Variants in STX18 observed in about 807,000 individuals in gnomAD.
The protein encoded by STX18 is syntaxin 18.
A neutral mutation model predicts 50.1 loss-of-function variants in STX18; 40 were observed. The observed-to-expected ratio is 0.80, with a 90% CI of 0.62 to 1.04. STX18 has a LOEUF of 1.04. STX18 is among the 50% of genes least tolerant of loss of function. The pLI is 0.00. For synonymous variants in STX18, 158 were observed against 151.8 expected (o/e 1.04, Z -0.30); for missense variants, 410 against 415.8 (o/e 0.99, Z 0.12).
chr4:4,454,791 T>C (rs1726979126), intron 5 of STX18, among the ~76,000 whole-genome samples: 2 of 152,306 alleles, frequency 1.3e-5, no homozygotes, highest in Admixed American at 6.5e-5. Flanking sequence ...TAACCCAAAT[T>C]TGCTGAGCCC....
chr4:4,485,927 C>T (rs1258426050), intron 1 of STX18, among the ~76,000 whole-genome samples: 3 of 152,182 alleles, frequency 2.0e-5, no homozygotes, highest in Non-Finnish European at 4.4e-5. Flanking sequence ...GGGATCACTG[C>T]TTATACTAGA....
intron 5 of STX18, among the ~76,000 whole-genome samples, chr4:4,440,489 T>C (rs1472899042): frequency 5.3e-5 from 8 of 152,332 alleles, no homozygotes; most frequent in African/African-American, 1.7e-4. Flanking sequence ...TCGTAACAAC[T>C]GCTCCATGTG....
chr4:4,454,416 T>C (rs971994788), intron 5 of STX18, among the ~76,000 whole-genome samples: 1 of 152,166 alleles, frequency 6.6e-6, no homozygotes, highest in Non-Finnish European at 1.5e-5. Flanking sequence ...AGAACTAAGG[T>C]AGCAGCAAAA....
chr4:4,438,171 C>T (rs1354852496), intron 6 of STX18, among the ~76,000 whole-genome samples: 1 of 152,240 alleles, frequency 6.6e-6, no homozygotes, highest in Non-Finnish European at 1.5e-5. Context: ...TCCCGGACCC[C>T]GCCAGCTCCC....
At chr4:4,451,678 G>A (rs1726759981) in intron 5 of STX18, among the ~76,000 whole-genome samples, 1 of 152,270 alleles carries the variant, frequency 6.6e-6, no homozygotes, top group Middle Eastern at 3.4e-3. Flanking sequence ...CACAAAGCAC[G>A]TTCACATAAG....
At chr4:4,542,054 T>C, upstream of STX18, 1 of 1,349,466 alleles carries the variant, frequency 7.4e-7, no homozygotes, top group Non-Finnish European at 9.7e-7. Flanking sequence ...GGACTGGTCC[T>C]GCCCCACACG....
At chr4:4,497,018 G>A (rs560613150) in intron 1 of STX18, among the ~76,000 whole-genome samples, 76 of 152,158 alleles carry the variant, frequency 5.0e-4, no homozygotes, top group Non-Finnish European at 9.4e-4. Context: ...TGTTTTACGC[G>A]AAACAAACCC....
At chr4:4,522,918 G>A (rs1397839290) in intron 1 of STX18, among the ~76,000 whole-genome samples, 1 of 152,232 alleles carries the variant, frequency 6.6e-6, no homozygotes, top group Non-Finnish European at 1.5e-5. Flanking sequence ...GCAGCTATGT[G>A]AGTGCAGAGA....
chr4:4,424,108 T>C (rs1265520481), intron 8 of STX18, among the ~76,000 whole-genome samples: 1 of 151,670 alleles, frequency 6.6e-6, no homozygotes, highest in Non-Finnish European at 1.5e-5. Flanking sequence ...CTGATTCATT[T>C]AGAAAATGCC....
At chr4:4,432,891 T>C (rs1183175169) in intron 7 of STX18, among the ~76,000 whole-genome samples, 1 of 152,258 alleles carries the variant, frequency 6.6e-6, no homozygotes, top group Non-Finnish European at 1.5e-5. Flanking sequence ...CATGTGGACC[T>C]GGCCATCCCT....
chr4:4,494,022 C>T (rs1729060689), intron 1 of STX18, among the ~76,000 whole-genome samples: 1 of 152,156 alleles, frequency 6.6e-6, no homozygotes, highest in Non-Finnish European at 1.5e-5. Flanking sequence ...CTCCATAAGC[C>T]CATATCCCAT....
At chr4:4,441,038 G>A (rs1726076224) in intron 5 of STX18, among the ~76,000 whole-genome samples, 1 of 152,198 alleles carries the variant, frequency 6.6e-6, no homozygotes. Flanking sequence ...GGTGCTTGCT[G>A]GGAGCCTCAT....
At chr4:4,536,149 G>A (rs546977247) in intron 1 of STX18, among the ~76,000 whole-genome samples, 18 of 152,228 alleles carry the variant, frequency 1.2e-4, no homozygotes, top group Non-Finnish European at 1.8e-4. Context: ...ACCGGACTAA[G>A]TATAAATGTG....
At chr4:4,459,091 A>C (rs974446414) in intron 3 of STX18, among the ~76,000 whole-genome samples, 2 of 102,954 alleles carry the variant, frequency 1.9e-5, no homozygotes, top group East Asian at 2.1e-4. Flanking sequence ...CACACACACA[A>C]ATTTGTCTTC....
At chr4:4,501,025 C>T (rs569752816) in intron 1 of STX18, among the ~76,000 whole-genome samples, 1 of 152,188 alleles carries the variant, frequency 6.6e-6, no homozygotes, top group East Asian at 1.9e-4. Context: ...CCAACAACAG[C>T]AAGACTCCAT....
At chr4:4,445,780 A>C (rs1285045892) in intron 5 of STX18, among the ~76,000 whole-genome samples, 2 of 152,256 alleles carry the variant, frequency 1.3e-5, no homozygotes, top group African/African-American at 4.8e-5. Flanking sequence ...TAAATTCAAC[A>C]TAATCCCTAT....
intron 1 of STX18, among the ~76,000 whole-genome samples, chr4:4,514,119 G>T (rs539149052): frequency 3.3e-5 from 5 of 152,212 alleles, no homozygotes; most frequent in African/African-American, 1.2e-4. Context: ...TGTATCAAGC[G>T]GCACCTTGAA....
At chr4:4,448,350 CT>C (rs71638561) in intron 5 of STX18, among the ~76,000 whole-genome samples, 66 of 147,748 alleles carry the variant, frequency 4.5e-4, no homozygotes, top group Middle Eastern at 3.6e-3. Context: ...TTATTTTATG[CT>C]TTTTTTTTTT....
intron 5 of STX18, among the ~76,000 whole-genome samples, chr4:4,452,837 T>C (rs1029366605): frequency 4.6e-5 from 7 of 152,196 alleles, no homozygotes; most frequent in African/African-American, 1.7e-4. Context: ...TCGTGATTCA[T>C]GGGAGGAGGT....
Sources: allele counts gnomAD v4.1 joint callset (sites outside exome capture counted in the v4.1 genomes callset), GRCh38; gene constraint gnomAD v4.1.1; transcripts MANE v1.5; gene names NCBI Gene and HGNC (gene_info 2026-07-23, HGNC 2026-07-21).